Variants in JDP2 observed in about 807,000 individuals in gnomAD.
JDP2 encodes Jun dimerization protein 2.
Under a neutral mutation model 17.1 loss-of-function variants are expected in JDP2, and 9 were observed. That is an observed-to-expected ratio of 0.53 (90% CI 0.32 to 0.92). The LOEUF is 0.92. Among genes scored for constraint, JDP2 ranks in the 40% least tolerant of loss-of-function variants. The pLI is 0.04. For synonymous variants in JDP2, 107 were observed against 95.6 expected (o/e 1.12, Z -0.69); for missense variants, 179 against 220.0 (o/e 0.81, Z 1.18).
chr14:75,448,388 A>G (rs1885703338), intron 2 of JDP2, among the ~76,000 whole-genome samples: 1 of 152,220 alleles, frequency 6.6e-6, no homozygotes, highest in African/African-American at 2.4e-5. Flanking sequence ...TAAGCCCCCC[A>G]GGGGATTCTG....
intron 2 of JDP2, among the ~76,000 whole-genome samples, chr14:75,447,404 A>G (rs192181723): frequency 6.6e-6 from 1 of 152,332 alleles, no homozygotes; most frequent in Admixed American, 6.5e-5. Context: ...TCAGAAGATT[A>G]AGTCACTTGC....
intron 2 of JDP2, among the ~76,000 whole-genome samples, chr14:75,446,875 T>A (rs1043525078): frequency 2.8e-4 from 43 of 152,204 alleles, no homozygotes; most frequent in African/African-American, 1.0e-3. Flanking sequence ...TACAGGGTTG[T>A]GGGGAGGCTG....
At chr14:75,455,806 G>A (rs1886076319) in intron 2 of JDP2, among the ~76,000 whole-genome samples, 1 of 152,130 alleles carries the variant, frequency 6.6e-6, no homozygotes, top group Non-Finnish European at 1.5e-5. Context: ...CCCCCTGTAA[G>A]TAGTTCCCTC....
intron 1 of JDP2, among the ~76,000 whole-genome samples, chr14:75,431,436 T>G (rs548117305): frequency 8.5e-5 from 13 of 152,322 alleles, no homozygotes; most frequent in Non-Finnish European, 1.5e-4. Flanking sequence ...CTACCGCTCC[T>G]TGTCTTCTTA....
At chr14:75,450,599 G>A (rs1438415709) in intron 2 of JDP2, among the ~76,000 whole-genome samples, 4 of 152,204 alleles carry the variant, frequency 2.6e-5, no homozygotes, top group Non-Finnish European at 5.9e-5. Context: ...TGAGCACAGC[G>A]TCCAGTGTGT....
chr14:75,461,614 C>G (rs892411606), intron 3 of JDP2, 84 bp downstream of exon 3: 17 of 1,066,036 alleles, frequency 1.6e-5, no homozygotes, highest in Non-Finnish European at 1.1e-5. Context: ...CATCAGATGT[C>G]TCTGTAGTCA....
chr14:75,473,494 G>A lies in JDP2; in HGVS notation c.*4019G>A, dbSNP rs1886853704. On this transcript the variant is annotated 3_prime_UTR_variant, in exon 4 of 4. Coordinates refer to ENST00000651602, the MANE Select transcript of JDP2 (RefSeq NM_001135048.2). ...CCTCCTAGTCTTGGGAGGAACTCTA[G>A]CACAGGGGCAAAAGGAAATGTACAA... The A allele has an allele frequency of 6.6e-6, 1 of 152,210 alleles. No individual in the cohort carries two copies. The allele number at this position is 152,210 out of a possible 1,614,324, so 9.4% of individuals were successfully genotyped here.
chr14:75,444,098 T>A (rs1885484503), intron 2 of JDP2, among the ~76,000 whole-genome samples: 1 of 151,952 alleles, frequency 6.6e-6, no homozygotes, highest in Non-Finnish European at 1.5e-5. Context: ...AGATGGGGGT[T>A]TTGCCATGTT....
chr14:75,440,249 G>A (rs1018903118), intron 2 of JDP2, among the ~76,000 whole-genome samples: 13 of 152,160 alleles, frequency 8.5e-5, no homozygotes, highest in African/African-American at 2.9e-4. Flanking sequence ...TTGTGGGGGC[G>A]AAGAGGCAGA....
chr14:75,429,403 C>T (rs567306400), intron 1 of JDP2, among the ~76,000 whole-genome samples: 2 of 152,246 alleles, frequency 1.3e-5, no homozygotes, highest in South Asian at 4.2e-4. Flanking sequence ...TTGGTGGTCT[C>T]TCCCTAGGGT....
chr14:75,445,175 T>C, intron 2 of JDP2: 1 of 985,366 alleles, frequency 1.0e-6, no homozygotes, highest in Non-Finnish European at 1.2e-6. Context: ...TGAAGCCATT[T>C]AAGTCTGTTT....
At chr14:75,446,611 A>G (rs528170207) in intron 2 of JDP2, among the ~76,000 whole-genome samples, 18 of 148,882 alleles carry the variant, frequency 1.2e-4, no homozygotes, top group African/African-American at 2.9e-4. Flanking sequence ...AGGCAAATTC[A>G]TAGAGACAGG....
chr14:75,466,462 T>A (rs943543749), intron 3 of JDP2, among the ~76,000 whole-genome samples: 6 of 152,166 alleles, frequency 3.9e-5, no homozygotes, highest in Non-Finnish European at 5.9e-5. Flanking sequence ...AGCAGTTAGT[T>A]ACATTCTGAC....
chr14:75,443,043 G>T lies in JDP2; in HGVS notation c.201+4922G>T, dbSNP rs183697949. On this transcript the variant is annotated intron_variant, in intron 2 of 3. Transcript: ENST00000651602. ...AGCTGGAGAGGAGACTTAACTGTCT[G>T]TGGATTTCACATTGGCGATTTCCCA... Among the ~76,000 whole-genome samples the T allele has an allele frequency of 1.6e-3, 244 of 152,274 alleles. 2 individuals are homozygous for T. Among genetic ancestry groups the T allele is most frequent in the Non-Finnish European group, 2.3e-3 (159 of 68,022 alleles).
At chr14:75,435,849 T>C (rs1246264416) in intron 1 of JDP2, among the ~76,000 whole-genome samples, 1 of 152,068 alleles carries the variant, frequency 6.6e-6, no homozygotes, top group Non-Finnish European at 1.5e-5. Context: ...GCACAGTAGG[T>C]AGAGCACAGT....
At position 75,438,653 on chromosome 14, in the gene JDP2, G is replaced by A. The variant is rs116033361; in HGVS notation, c.201+532G>A. ...GCGTGGCCTCCCTTCCCAAGCAGCTGCCAGAGCTAGGCATGGCCTCGGTCA... is the reference window on the plus strand; with the variant it reads ...GCGTGGCCTCCCTTCCCAAGCAGCTACCAGAGCTAGGCATGGCCTCGGTCA... On this transcript the variant is annotated intron_variant, in intron 2 of 3. Coordinates refer to ENST00000651602, the MANE Select transcript of JDP2 (RefSeq NM_001135048.2). Among the ~76,000 whole-genome samples, 334 of 152,352 alleles carry A rather than the reference G, an allele frequency of 2.2e-3. 1 individual carries two copies. Among genetic ancestry groups the A allele is most frequent in the African/African-American group, 7.5e-3 (313 of 41,582 alleles).
intron 2 of JDP2, among the ~76,000 whole-genome samples, chr14:75,444,320 G>A (rs533869315): frequency 6.6e-6 from 1 of 152,346 alleles, no homozygotes; most frequent in East Asian, 1.9e-4. Context: ...TGTTGATCGT[G>A]CAAAGTAGTT....
At chr14:75,445,304 G>A in intron 2 of JDP2, 1 of 985,470 alleles carries the variant, frequency 1.0e-6, no homozygotes, top group African/African-American at 1.7e-5. Context: ...TGAGGGCCTG[G>A]GCCTCCTCTG....
Position 75,440,859 on chromosome 14 carries a change from A to G in JDP2, c.201+2738A>G, listed in dbSNP as rs537185275. The stretch of plus-strand genomic sequence containing the variant: ...TTGTTGCTGTTGTTATACCCACATT[A>G]CAGATGAGGTCAACAAGGCTGAGGG... On this transcript the variant is annotated intron_variant, in intron 2 of 3. Coordinates refer to ENST00000651602, the MANE Select transcript of JDP2 (RefSeq NM_001135048.2). Among the ~76,000 whole-genome samples the G allele has an allele frequency of 2.0e-5, 3 of 152,312 alleles. No homozygotes were observed. The East Asian group carries it at 5.8e-4, about 29-fold the overall frequency.
Sources: allele counts gnomAD v4.1 joint callset (sites outside exome capture counted in the v4.1 genomes callset), GRCh38; gene constraint gnomAD v4.1.1; transcripts MANE v1.5; gene names NCBI Gene and HGNC (gene_info 2026-07-23, HGNC 2026-07-21).